The following BICD1 variants were observed in gnomAD, a reference collection of about 807,000 sequenced individuals.
The protein encoded by BICD1 is protein bicaudal D homolog 1.
A neutral mutation model predicts 92.5 loss-of-function variants in BICD1; 35 were observed. That is an observed-to-expected ratio of 0.38 (90% CI 0.29 to 0.50). The LOEUF (loss-of-function observed/expected upper bound fraction) is 0.50. Among genes scored for constraint, BICD1 ranks in the 20% least tolerant of loss-of-function variants. The probability of loss-of-function intolerance (pLI) is 0.93; values close to 1 mark genes in which losing one functional copy is unlikely to be tolerated. For missense variants in BICD1, 950 were observed against 1,189.8 expected (o/e 0.80, Z 2.97); for synonymous variants, 429 against 465.1 (o/e 0.92, Z 1.00).
intron 2 of BICD1, among the ~76,000 whole-genome samples, chr12:32,231,449 C>T (rs1391588853): frequency 6.6e-6 from 1 of 151,928 alleles, no homozygotes; most frequent in Non-Finnish European, 1.5e-5. Flanking sequence ...AGACCCTGCC[C>T]CCTACCCCCT....
chr12:32,120,800 A>G (rs11051805), intron 1 of BICD1, among the ~76,000 whole-genome samples: 2,396 of 150,868 alleles, frequency 0.016, 29 homozygotes, highest in Non-Finnish European at 0.024. Context: ...TCTTTCTGCT[A>G]AGGTTGGTGT....
chr12:32,192,872 C>T (rs1322992773), intron 1 of BICD1, among the ~76,000 whole-genome samples: 2 of 152,254 alleles, frequency 1.3e-5, no homozygotes, highest in South Asian at 2.1e-4. Context: ...GAAGTGAAGC[C>T]TGAAGATGTG....
rs1180612457 is a variant in BICD1 at position 32,140,300 on chromosome 12, A to G, written c.213+32756A>G. Reference sequence around the variant, plus strand: ...TTAGATGAAAGCTTGCCTTTTTCTCATGTTCAAAACAATGCTAAATGCTTA... The same window carrying G: ...TTAGATGAAAGCTTGCCTTTTTCTCGTGTTCAAAACAATGCTAAATGCTTA... On this transcript the variant is annotated intron_variant, in intron 1 of 9. Transcript: ENST00000652176. Among the ~76,000 whole-genome samples, 5 of 152,288 alleles carry G rather than the reference A, an allele frequency of 3.3e-5. 1 individual carries two copies. Among genetic ancestry groups the G allele is most frequent in the Middle Eastern group, 3.4e-3 (1 of 294 alleles).
chr12:32,379,109 A>C lies in BICD1; in HGVS notation c.*1482A>C, dbSNP rs2136351735. On this transcript the variant is annotated 3_prime_UTR_variant, in exon 10 of 10. Coordinates refer to ENST00000652176, the MANE Select transcript of BICD1 (RefSeq NM_001714.4). ...AAGGGTTTGACCTTTTCATATAAAG[A>C]CATCTGTAACTTCTCTTCAAAACAA... 6.6e-6 allele frequency: 1 copy of C among 152,352 alleles called. No individual in the cohort carries two copies. Among genetic ancestry groups the C allele is most frequent in the East Asian group, 1.9e-4 (1 of 5,188 alleles). The allele number at this position is 152,352 out of a possible 1,614,324, so 9.4% of individuals were successfully genotyped here.
intron 1 of BICD1, among the ~76,000 whole-genome samples, chr12:32,204,326 G>A (rs760376480): frequency 2.1e-5 from 3 of 145,824 alleles, no homozygotes; most frequent in Non-Finnish European, 4.5e-5. Flanking sequence ...CTCTAACCTG[G>A]GCAACAGAGG....
intron 1 of BICD1, among the ~76,000 whole-genome samples, chr12:32,198,326 CTATCTA>C (rs1944789934): frequency 8.9e-6 from 1 of 112,250 alleles, no homozygotes; most frequent in African/African-American, 3.5e-5. Context: ...TAATATGCAT[CTATCTA>C]TATATATATA....
intron 1 of BICD1, among the ~76,000 whole-genome samples, chr12:32,192,202 T>C (rs1008918080): frequency 1.3e-5 from 2 of 152,006 alleles, no homozygotes; most frequent in African/African-American, 2.4e-5. Context: ...GAGGCCAAGG[T>C]GGGCAGATCA....
chr12:32,197,171 A>G (rs1304470037), intron 1 of BICD1, among the ~76,000 whole-genome samples: 4 of 151,934 alleles, frequency 2.6e-5, no homozygotes, highest in African/African-American at 9.7e-5. Flanking sequence ...ACCATGCCCA[A>G]CTGATTTTTG....
intron 2 of BICD1, among the ~76,000 whole-genome samples, chr12:32,246,205 G>A (rs1027012130): frequency 2.0e-5 from 3 of 150,600 alleles, no homozygotes; most frequent in African/African-American, 7.4e-5. Flanking sequence ...GCCAGGTCCA[G>A]TGGTGTGTGC....
At chr12:32,239,433 G>A (rs1946172594) in intron 2 of BICD1, among the ~76,000 whole-genome samples, 1 of 149,754 alleles carries the variant, frequency 6.7e-6, no homozygotes, top group African/African-American at 2.4e-5. Flanking sequence ...GGGCGTGGTG[G>A]CGCATGTTTG....
intron 2 of BICD1, among the ~76,000 whole-genome samples, chr12:32,270,741 C>T (rs548635935): frequency 3.3e-5 from 5 of 152,194 alleles, no homozygotes; most frequent in Admixed American, 6.5e-5. Flanking sequence ...GACCCACAAA[C>T]TAAACACAGA....
At chr12:32,226,448 A>G (rs1300876249) in intron 2 of BICD1, among the ~76,000 whole-genome samples, 1 of 152,196 alleles carries the variant, frequency 6.6e-6, no homozygotes, top group African/African-American at 2.4e-5. Context: ...TTTAAATTTT[A>G]TATTAATATA....
At chr12:32,232,403 T>C (rs2121582246) in intron 2 of BICD1, among the ~76,000 whole-genome samples, 1 of 152,228 alleles carries the variant, frequency 6.6e-6, no homozygotes, top group Non-Finnish European at 1.5e-5. Context: ...GAAGTGTCTG[T>C]TCATGTCCTT....
chr12:32,316,165 A>C lies in BICD1; in HGVS notation c.1005+10043A>C, dbSNP rs192363472. Among the ~76,000 whole-genome samples the C allele has an allele frequency of 4.8e-3, 721 of 150,754 alleles. 5 individuals are homozygous for C. Among genetic ancestry groups the C allele is most frequent in the African/African-American group, 0.017 (691 of 41,140 alleles). On this transcript the variant is annotated intron_variant, in intron 4 of 9. Transcript: ENST00000652176. The stretch of plus-strand genomic sequence containing the variant: ...AAAAAAAAAAAAAAGGCTTTGAGTT[A>C]GATGATTTTTGCCCAACTGTAGGCT...
At chr12:32,177,608 A>G (rs1240393464) in intron 1 of BICD1, among the ~76,000 whole-genome samples, 1 of 149,832 alleles carries the variant, frequency 6.7e-6, no homozygotes, top group African/African-American at 2.5e-5. Flanking sequence ...TCGTGGCTGG[A>G]GTGGCGGAGG....
At chr12:32,194,607 C>T (rs556828219) in intron 1 of BICD1, among the ~76,000 whole-genome samples, 16 of 152,216 alleles carry the variant, frequency 1.1e-4, no homozygotes, top group Admixed American at 1.0e-3. Flanking sequence ...ATAGGCCAGG[C>T]GTGGTGGCTC....
chr12:32,199,326 AG>A (rs1213913242), intron 1 of BICD1, among the ~76,000 whole-genome samples: 1 of 152,168 alleles, frequency 6.6e-6, no homozygotes, highest in Non-Finnish European at 1.5e-5. Flanking sequence ...CCATGGTCAC[AG>A]GGGGCCCAGG....
intron 2 of BICD1, among the ~76,000 whole-genome samples, chr12:32,266,049 T>G (rs1465319322): frequency 6.6e-6 from 1 of 152,216 alleles, no homozygotes; most frequent in Non-Finnish European, 1.5e-5. Flanking sequence ...CAAATTTGTT[T>G]AAACTTTTAA....
chr12:32,216,537 C>T, intron 2 of BICD1, 78 bp downstream of exon 2: 2 of 1,467,780 alleles, frequency 1.4e-6, no homozygotes, highest in African/African-American at 1.4e-5. Flanking sequence ...AGAGGAATAA[C>T]ACTTTTGTTT....
Sources: gnomAD v4.1 joint callset for allele counts (sites outside exome capture counted in the v4.1 genomes callset) on GRCh38, gnomAD v4.1.1 for gene constraint, MANE v1.5 for transcripts, NCBI Gene and HGNC (gene_info 2026-07-23, HGNC 2026-07-21) for gene names.